The following DCAF6 variants were observed in gnomAD, a reference collection of about 807,000 sequenced individuals.
DCAF6 encodes the protein DDB1- and CUL4-associated factor 6.
DCAF6 carries 54 observed loss-of-function variants against 125.1 expected under a neutral mutation model. That is an observed-to-expected ratio of 0.43 (90% confidence interval 0.35 to 0.54). The LOEUF (loss-of-function observed/expected upper bound fraction) is 0.54, where lower values mean the gene tolerates loss of function less well. Ranked by LOEUF, DCAF6 falls within the 20% of genes least tolerant of loss-of-function variation. DCAF6 has a pLI of 0.01. For missense variants in DCAF6, 934 were observed against 1,161.7 expected, an observed-to-expected ratio of 0.80 and a Z score of 2.85; for synonymous variants, 371 against 390.4, an observed-to-expected ratio of 0.95 and a Z score of 0.58.
At chr1:167,875,273 G>A in the DCAF6 span, 1 of 1,381,444 alleles carries the variant, frequency 7.2e-7, no homozygotes, top group Non-Finnish European at 1.0e-6. Flanking sequence ...TTCCCAGAAA[G>A]TTTCCTTCTC....
chr1:167,869,792 T>TCA, the DCAF6 span, among the ~76,000 whole-genome samples: 5 of 152,000 alleles, frequency 3.3e-5, no homozygotes, highest in Non-Finnish European at 5.9e-5. Flanking sequence ...TTGAGCACCT[T>TCA]GACGAGCTCG....
intron 7 of DCAF6, among the ~76,000 whole-genome samples, chr1:167,999,237 G>A: frequency 6.6e-6 from 1 of 152,124 alleles, no homozygotes; most frequent in African/African-American, 2.4e-5. Flanking sequence ...GCTTCAAATA[G>A]TCAGTAAAAC....
At chr1:168,030,307 G>C (rs996295773) in intron 12 of DCAF6, among the ~76,000 whole-genome samples, 3 of 152,222 alleles carry the variant, frequency 2.0e-5, no homozygotes, top group African/African-American at 7.2e-5. Context: ...AGGAGCATGA[G>C]TAAAGGGAAG....
intron 12 of DCAF6, among the ~76,000 whole-genome samples, chr1:168,034,299 G>A (rs1687524067): frequency 6.6e-6 from 1 of 152,152 alleles, no homozygotes; most frequent in Non-Finnish European, 1.5e-5. Context: ...AGGATCACTT[G>A]AGGCCAGGAG....
At chr1:167,897,132 C>T in the DCAF6 span, among the ~76,000 whole-genome samples, 2 of 150,342 alleles carry the variant, frequency 1.3e-5, no homozygotes, top group East Asian at 1.9e-4. Flanking sequence ...CATGTGATGA[C>T]ACACTGAGGA....
chr1:167,999,732 G>GATT (rs1318965439), intron 7 of DCAF6, among the ~76,000 whole-genome samples: 2 of 152,136 alleles, frequency 1.3e-5, no homozygotes, highest in Non-Finnish European at 2.9e-5. Context: ...GCTTTAAAGA[G>GATT]ATTTAGCGCC....
At chr1:167,938,825 A>G (rs2102605139) in intron 1 of DCAF6, among the ~76,000 whole-genome samples, 1 of 152,290 alleles carries the variant, frequency 6.6e-6, no homozygotes, top group African/African-American at 2.4e-5. Context: ...ACAAAACCAT[A>G]TACCTGCTTT....
chr1:168,038,622 G>C (rs1327559653), intron 13 of DCAF6, 134 bp downstream of exon 13: 3 of 571,522 alleles, frequency 5.2e-6, no homozygotes. Flanking sequence ...GTGTGCTTCA[G>C]AATCACTGGG....
At chr1:168,010,442 T>A (rs987474820) in intron 10 of DCAF6, among the ~76,000 whole-genome samples, 2 of 152,032 alleles carry the variant, frequency 1.3e-5, no homozygotes, top group Non-Finnish European at 2.9e-5. Flanking sequence ...ATTAGGAAGG[T>A]AAGTAGACTG....
intron 10 of DCAF6, among the ~76,000 whole-genome samples, chr1:168,015,214 A>G (rs1684801934): frequency 6.6e-6 from 1 of 152,198 alleles, no homozygotes; most frequent in African/African-American, 2.4e-5. Context: ...GAAAATATTG[A>G]TTATGTAAAT....
chr1:168,008,338 G>C (rs1220940218), intron 10 of DCAF6, among the ~76,000 whole-genome samples: 1 of 152,056 alleles, frequency 6.6e-6, no homozygotes, highest in Non-Finnish European at 1.5e-5. Context: ...TTCCTGTTCC[G>C]TAATTGGCTC....
At chr1:167,895,309 T>C in the DCAF6 span, among the ~76,000 whole-genome samples, 1 of 152,028 alleles carries the variant, frequency 6.6e-6, no homozygotes, top group Non-Finnish European at 1.5e-5. Context: ...GAGTGGGTAA[T>C]GTCATGAGGC....
chr1:168,036,404 C>G (rs1415951878), intron 12 of DCAF6, among the ~76,000 whole-genome samples: 2 of 152,156 alleles, frequency 1.3e-5, no homozygotes, highest in African/African-American at 2.4e-5. Flanking sequence ...CTTTTGTTTT[C>G]TCTACTGTCT....
intron 17 of DCAF6, among the ~76,000 whole-genome samples, chr1:168,058,691 C>G (rs1691210043): frequency 1.3e-5 from 2 of 152,180 alleles, no homozygotes; most frequent in African/African-American, 4.8e-5. Context: ...GCCTTAGCCT[C>G]CCAGGTAGCT....
the DCAF6 span, among the ~76,000 whole-genome samples, chr1:167,926,692 T>A: frequency 6.6e-6 from 1 of 152,252 alleles, no homozygotes; most frequent in Non-Finnish European, 1.5e-5. Context: ...CATCCTCCAA[T>A]GCGCAGGACA....
upstream of DCAF6, among the ~76,000 whole-genome samples, chr1:167,933,428 A>C (rs1348334086): frequency 6.6e-6 from 1 of 152,242 alleles, no homozygotes; most frequent in East Asian, 1.9e-4. Context: ...CAGCCTCCCA[A>C]AGTGCTGGGA....
chr1:167,919,940 C>A, the DCAF6 span: 1 of 1,497,908 alleles, frequency 6.7e-7, no homozygotes, highest in Non-Finnish European at 9.1e-7. Flanking sequence ...ATCTAAGTAG[C>A]TTTTGCAACA....
At chr1:167,939,468 G>A (rs1265545778) in intron 1 of DCAF6, among the ~76,000 whole-genome samples, 3 of 151,904 alleles carry the variant, frequency 2.0e-5, no homozygotes, top group African/African-American at 4.8e-5. Context: ...ACTTTTTAAA[G>A]TACAGTACTC....
At chr1:168,027,572 T>C (rs991238062) in intron 12 of DCAF6, among the ~76,000 whole-genome samples, 11 of 152,174 alleles carry the variant, frequency 7.2e-5, no homozygotes, top group Non-Finnish European at 1.5e-4. Flanking sequence ...TTCAGTTTTA[T>C]GTTTATGTCA....
Sources: allele counts gnomAD v4.1 joint callset (sites outside exome capture counted in the v4.1 genomes callset), GRCh38; gene constraint gnomAD v4.1.1; transcripts MANE v1.5; gene names NCBI Gene and HGNC (gene_info 2026-07-23, HGNC 2026-07-21).